Variants in SEMA3A observed in about 807,000 individuals in gnomAD.
The protein encoded by SEMA3A is semaphorin 3A.
In SEMA3A, 29 loss-of-function variants were observed where a neutral mutation model predicts 97.9. That is an observed-to-expected ratio of 0.30 (90% confidence interval 0.22 to 0.40). The LOEUF (loss-of-function observed/expected upper bound fraction) is 0.40. Ranked by LOEUF, SEMA3A falls within the 10% of genes least tolerant of loss-of-function variation. The pLI, the probability that SEMA3A is intolerant of heterozygous loss-of-function variation, is 1.00. For missense variants in SEMA3A, 763 were observed against 951.3 expected, an observed-to-expected ratio of 0.80 and a Z score of 2.60; for synonymous variants, 321 against 323.7, an observed-to-expected ratio of 0.99 and a Z score of 0.09.
At chr7:84,127,631 T>C (rs1795839159) in intron 3 of SEMA3A, among the ~76,000 whole-genome samples, 1 of 152,294 alleles carries the variant, frequency 6.6e-6, no homozygotes, top group East Asian at 1.9e-4. Context: ...GTATTAAGGA[T>C]GGGGGATACC....
chr7:84,349,942 T>C (rs1300305685), intron 2 of SEMA3A, among the ~76,000 whole-genome samples: 1 of 152,142 alleles, frequency 6.6e-6, no homozygotes, highest in Non-Finnish European at 1.5e-5. Context: ...TTTATAAATC[T>C]ATCTGCCTTC....
intron 12 of SEMA3A, among the ~76,000 whole-genome samples, chr7:83,990,349 T>G (rs1000529072): frequency 6.6e-6 from 1 of 152,122 alleles, no homozygotes; most frequent in South Asian, 2.1e-4. Flanking sequence ...AATTTTGGCT[T>G]TTGTTGCCAT....
At chr7:84,140,374 T>C (rs1456377476) in intron 1 of SEMA3A, among the ~76,000 whole-genome samples, 1 of 152,146 alleles carries the variant, frequency 6.6e-6, no homozygotes, top group East Asian at 1.9e-4. Context: ...AGAACTCCTG[T>C]ATATTTGACC....
intron 6 of SEMA3A, among the ~76,000 whole-genome samples, chr7:84,015,820 C>T (rs562582116): frequency 6.6e-6 from 1 of 152,150 alleles, no homozygotes; most frequent in East Asian, 1.9e-4. Context: ...CAAGGCCACA[C>T]TTTACTATCC....
chr7:84,348,507 G>C (rs534876487), intron 2 of SEMA3A, among the ~76,000 whole-genome samples: 4 of 152,118 alleles, frequency 2.6e-5, no homozygotes, highest in Admixed American at 2.6e-4. Context: ...TAAAACATAA[G>C]AAGGAATATA....
chr7:84,174,299 C>A (rs1797493144), intron 1 of SEMA3A, among the ~76,000 whole-genome samples: 1 of 152,062 alleles, frequency 6.6e-6, no homozygotes, highest in Admixed American at 6.6e-5. Flanking sequence ...TAGTACAGGA[C>A]AAGAAAAAAC....
At chr7:84,288,831 A>T (rs1800663829) in intron 3 of SEMA3A, among the ~76,000 whole-genome samples, 1 of 152,154 alleles carries the variant, frequency 6.6e-6, no homozygotes, top group African/African-American at 2.4e-5. Flanking sequence ...TCCACAAAAA[A>T]ACTGTATAAT....
chr7:84,021,234 C>T (rs1278444006), intron 6 of SEMA3A, among the ~76,000 whole-genome samples: 3 of 152,144 alleles, frequency 2.0e-5, no homozygotes, highest in Non-Finnish European at 4.4e-5. Context: ...TATCATTCTA[C>T]AACACCTTAT....
chr7:83,981,577 A>AAATT, intron 13 of SEMA3A, 99 bp from the exon 14 acceptor site: 3 of 1,030,468 alleles, frequency 2.9e-6, no homozygotes, highest in Non-Finnish European at 4.0e-6. Flanking sequence ...TCTCAGAGAT[A>AAATT]AATTAAGGGT....
At chr7:84,129,603 C>T (rs1795902646) in intron 2 of SEMA3A, among the ~76,000 whole-genome samples, 1 of 151,904 alleles carries the variant, frequency 6.6e-6, no homozygotes, top group African/African-American at 2.4e-5. Context: ...GCAGTTTTAA[C>T]ATTTGGGTGC....
At chr7:84,473,375 T>TTAG (rs1806202469) in intron 1 of SEMA3A, among the ~76,000 whole-genome samples, 2 of 148,368 alleles carry the variant, frequency 1.3e-5, no homozygotes, top group Admixed American at 1.4e-4. Context: ...TATTTTTGTA[T>TTAG]TATTATTATT....
At chr7:84,446,246 T>C (rs905114191) in intron 1 of SEMA3A, among the ~76,000 whole-genome samples, 1 of 152,180 alleles carries the variant, frequency 6.6e-6, no homozygotes, top group Admixed American at 6.5e-5. Context: ...AGCTCTGATA[T>C]CTTCACCAAT....
At chr7:84,337,529 A>T (rs1191612826) in intron 2 of SEMA3A, among the ~76,000 whole-genome samples, 1 of 152,170 alleles carries the variant, frequency 6.6e-6, no homozygotes. Context: ...CCCAAGCCGC[A>T]GAAGACTACT....
At chr7:84,299,253 TATATATCTCC>T (rs1189700759) in intron 3 of SEMA3A, among the ~76,000 whole-genome samples, 292 of 68,364 alleles carry the variant, frequency 4.3e-3, no homozygotes, top group Middle Eastern at 0.01. Flanking sequence ...TATATATATA[TATATATCTCC>T]ATATATATAT....
intron 1 of SEMA3A, among the ~76,000 whole-genome samples, chr7:84,418,692 C>T (rs1393725831): frequency 3.3e-5 from 5 of 152,000 alleles, no homozygotes; most frequent in African/African-American, 1.2e-4. Flanking sequence ...TACTCTGGCA[C>T]TTGTACCAGT....
At chr7:84,148,453 C>A (rs1796530924) in intron 1 of SEMA3A, among the ~76,000 whole-genome samples, 2 of 152,120 alleles carry the variant, frequency 1.3e-5, no homozygotes, top group Admixed American at 1.3e-4. Context: ...GAACAGCATA[C>A]AACGTAGTCC....
At chr7:84,342,678 T>C (rs1802198735) in intron 2 of SEMA3A, among the ~76,000 whole-genome samples, 1 of 152,238 alleles carries the variant, frequency 6.6e-6, no homozygotes, top group African/African-American at 2.4e-5. Flanking sequence ...TTTGCTATGG[T>C]TGGCAATTAC....
chr7:84,134,507 G>A lies in SEMA3A; in HGVS notation c.270+287C>T, dbSNP rs570631451. ...GAAGTCAATTATGATGTATTGCTAC[G>A]ATGGTTCAAGTATTTACTTTTATGT... is the stretch of plus-strand genomic sequence containing the variant. On this transcript the variant is annotated intron_variant, in intron 2 of 16. Transcript: ENST00000265362. Among the ~76,000 whole-genome samples the A allele has an allele frequency of 2.0e-4, 30 of 152,234 alleles. No individual in the cohort carries two copies. In the East Asian group the frequency reaches 5.4e-3, roughly 27 times the overall value.
chr7:84,232,148 ATC>A (rs1318006139), intron 3 of SEMA3A, among the ~76,000 whole-genome samples: 1 of 151,210 alleles, frequency 6.6e-6, no homozygotes, highest in South Asian at 2.1e-4. Context: ...CCTTATTAAT[ATC>A]TGTCAAAATT....
Sources: allele counts gnomAD v4.1 joint callset (sites outside exome capture counted in the v4.1 genomes callset), GRCh38; gene constraint gnomAD v4.1.1; transcripts MANE v1.5; gene names NCBI Gene and HGNC (gene_info 2026-07-23, HGNC 2026-07-21).